NPAS3: variants seen among roughly 807,000 people sequenced by gnomAD.
NPAS3 encodes neuronal PAS domain-containing protein 3.
NPAS3 carries 14 observed loss-of-function variants against 73.1 expected under a neutral mutation model. The ratio of observed to expected loss-of-function variants is 0.19; its 90% confidence interval spans 0.13 to 0.30. The LOEUF is 0.30. NPAS3 is among the 10% of genes least tolerant of loss of function. The pLI, the probability that NPAS3 is intolerant of heterozygous loss-of-function variation, is 1.00. For missense variants in NPAS3, 1,096 were observed against 1,250.0 expected (o/e 0.88, Z 1.86); for synonymous variants, 620 against 541.5 (o/e 1.14, Z -2.01).
intron 2 of NPAS3, among the ~76,000 whole-genome samples, chr14:33,098,627 A>C (rs2138869646): frequency 6.6e-6 from 1 of 152,340 alleles, no homozygotes; most frequent in African/African-American, 2.4e-5. Flanking sequence ...AGCTCATCTA[A>C]GAATGCTACC....
At chr14:33,681,651 C>T (rs568665539) in intron 6 of NPAS3, among the ~76,000 whole-genome samples, 6 of 152,134 alleles carry the variant, frequency 3.9e-5, no homozygotes, top group African/African-American at 4.8e-5. Context: ...TATGTTATCA[C>T]CATTAATCCC....
At chr14:32,959,126 A>G (rs925508586) in intron 1 of NPAS3, among the ~76,000 whole-genome samples, 4 of 152,218 alleles carry the variant, frequency 2.6e-5, no homozygotes, top group African/African-American at 9.6e-5. Context: ...TGCTTTGACC[A>G]GTGAAATTTG....
At chr14:33,781,523 A>G (rs1364376816) in intron 9 of NPAS3, among the ~76,000 whole-genome samples, 1 of 152,248 alleles carries the variant, frequency 6.6e-6, no homozygotes. Flanking sequence ...TTACTGAAGG[A>G]TGCCTCAACT....
At chr14:33,632,822 G>A (rs1186224756) in intron 5 of NPAS3, among the ~76,000 whole-genome samples, 1 of 152,166 alleles carries the variant, frequency 6.6e-6, no homozygotes, top group Non-Finnish European at 1.5e-5. Flanking sequence ...GATGACCTAA[G>A]TAAGCCAAAT....
intron 5 of NPAS3, among the ~76,000 whole-genome samples, chr14:33,661,412 A>T (rs1168067993): frequency 6.6e-6 from 1 of 152,210 alleles, no homozygotes; most frequent in Admixed American, 6.5e-5. Flanking sequence ...GTTCAGACTG[A>T]TGAATCTCAT....
intron 3 of NPAS3, among the ~76,000 whole-genome samples, chr14:33,248,725 T>A (rs1377952756): frequency 2.6e-5 from 4 of 152,228 alleles, no homozygotes; most frequent in Non-Finnish European, 5.9e-5. Flanking sequence ...ACCATCATAA[T>A]GATAGCTTTG....
chr14:33,680,967 C>T (rs117225582), intron 6 of NPAS3: 6,389 of 253,504 alleles, frequency 0.025, 102 homozygotes, highest in Non-Finnish European at 0.037. Flanking sequence ...CGCTATGTCC[C>T]GAATGTTTTT....
At chr14:33,727,932 G>A (rs534759097) in intron 6 of NPAS3, among the ~76,000 whole-genome samples, 11 of 152,328 alleles carry the variant, frequency 7.2e-5, no homozygotes, top group African/African-American at 2.6e-4. Flanking sequence ...ACAGCCTGCT[G>A]CAGAATGGGT....
intron 6 of NPAS3, among the ~76,000 whole-genome samples, chr14:33,719,153 A>G (rs1461802774): frequency 6.6e-6 from 1 of 152,124 alleles, no homozygotes; most frequent in African/African-American, 2.4e-5. Context: ...AGCCTGGCCT[A>G]CGACACAAAC....
intron 2 of NPAS3, among the ~76,000 whole-genome samples, chr14:33,165,155 T>A (rs1404567193): frequency 6.6e-6 from 1 of 152,110 alleles, no homozygotes; most frequent in African/African-American, 2.4e-5. Context: ...GTGCCAGGCA[T>A]TGGACTCGGC....
intron 3 of NPAS3, among the ~76,000 whole-genome samples, chr14:33,353,156 T>TAA (rs35112023): frequency 1.9e-4 from 28 of 146,878 alleles, no homozygotes; most frequent in Non-Finnish European, 2.4e-4. Context: ...ATGGCTTCTG[T>TAA]AAAAAAAAAA....
intron 2 of NPAS3, among the ~76,000 whole-genome samples, chr14:33,155,780 G>T (rs2044624556): frequency 1.3e-5 from 2 of 152,142 alleles, no homozygotes; most frequent in African/African-American, 4.8e-5. Context: ...TCATGTTGTA[G>T]ATGAGGCATA....
chr14:33,510,665 T>G (rs932605108), intron 4 of NPAS3, among the ~76,000 whole-genome samples: 3 of 152,068 alleles, frequency 2.0e-5, no homozygotes, highest in African/African-American at 4.8e-5. Flanking sequence ...TGTTGGAAGA[T>G]TTTAAGCTTT....
At chr14:33,337,508 A>G (rs536018930) in intron 3 of NPAS3, among the ~76,000 whole-genome samples, 6 of 152,184 alleles carry the variant, frequency 3.9e-5, no homozygotes, top group African/African-American at 1.4e-4. Flanking sequence ...GTACATTTTA[A>G]AATCAGGTAG....
intron 7 of NPAS3, among the ~76,000 whole-genome samples, chr14:33,739,211 A>G (rs541986204): frequency 6.6e-6 from 1 of 152,330 alleles, no homozygotes; most frequent in East Asian, 1.9e-4. Context: ...AGTTCCTGCT[A>G]TGACATACGC....
chr14:32,941,129 A>C (rs2035974921), intron 1 of NPAS3, among the ~76,000 whole-genome samples: 1 of 152,068 alleles, frequency 6.6e-6, no homozygotes, highest in Admixed American at 6.5e-5. Context: ...TTTAAAAATT[A>C]TTTTTTATCT....
At chr14:33,662,363 T>C (rs575706685) in intron 5 of NPAS3, among the ~76,000 whole-genome samples, 2 of 152,342 alleles carry the variant, frequency 1.3e-5, no homozygotes, top group Non-Finnish European at 2.9e-5. Context: ...TTGCTGGACT[T>C]GTGGTCAAGT....
intron 4 of NPAS3, among the ~76,000 whole-genome samples, chr14:33,456,951 T>G (rs1285060820): frequency 6.6e-6 from 1 of 152,154 alleles, no homozygotes; most frequent in African/African-American, 2.4e-5. Flanking sequence ...CCTGCCTTGT[T>G]CTCAGTCGCC....
intron 3 of NPAS3, among the ~76,000 whole-genome samples, chr14:33,262,260 G>A (rs991946260): frequency 2.0e-5 from 3 of 152,174 alleles, no homozygotes; most frequent in African/African-American, 7.2e-5. Flanking sequence ...CTAATTTTGT[G>A]TTGATTGTCT....
Sources: gnomAD v4.1 joint callset for allele counts (sites outside exome capture counted in the v4.1 genomes callset) on GRCh38, gnomAD v4.1.1 for gene constraint, MANE v1.5 for transcripts, NCBI Gene and HGNC (gene_info 2026-07-23, HGNC 2026-07-21) for gene names.